MND1: variants seen among roughly 807,000 people sequenced by gnomAD.
MND1 encodes the protein meiotic nuclear division protein 1 homolog.
Under a neutral mutation model 35.1 loss-of-function variants are expected in MND1, and 28 were observed. The observed-to-expected ratio is 0.80, with a 90% CI of 0.59 to 1.09. The LOEUF (loss-of-function observed/expected upper bound fraction) is 1.09. Among genes scored for constraint, MND1 ranks in the 50% least tolerant of loss-of-function variants. The probability of loss-of-function intolerance (pLI) is 0.00; values close to 1 mark genes in which losing one functional copy is unlikely to be tolerated. For synonymous variants in MND1, 69 were observed against 70.5 expected (o/e 0.98, Z 0.11); for missense variants, 213 against 239.6 (o/e 0.89, Z 0.73).
chr4:153,408,910 G>GTATA, intron 6 of MND1, 61 bp from the exon 7 acceptor site: 2 of 308,178 alleles, frequency 6.5e-6, no homozygotes, highest in Non-Finnish European at 9.2e-6. Flanking sequence ...ATCATTTTGT[G>GTATA]TGTATATATA....
At chr4:153,385,891 T>G (rs917632369) in intron 4 of MND1, among the ~76,000 whole-genome samples, 3 of 152,164 alleles carry the variant, frequency 2.0e-5, no homozygotes, top group Non-Finnish European at 4.4e-5. Flanking sequence ...TTGGGCTGTT[T>G]GCCTCGTTGT....
chr4:153,350,635 C>G (rs1363283087), intron 2 of MND1, among the ~76,000 whole-genome samples: 2 of 152,182 alleles, frequency 1.3e-5, no homozygotes, highest in Non-Finnish European at 2.9e-5. Flanking sequence ...CTGCCATCAA[C>G]AGGAAATATG....
At chr4:153,362,772 T>C (rs991267909) in intron 4 of MND1, among the ~76,000 whole-genome samples, 4 of 152,214 alleles carry the variant, frequency 2.6e-5, no homozygotes, top group Non-Finnish European at 4.4e-5. Flanking sequence ...CAATTGGTGA[T>C]GTTTAGTCTG....
intron 1 of MND1, among the ~76,000 whole-genome samples, chr4:153,345,066 C>T (rs1213073250): frequency 6.6e-6 from 1 of 152,180 alleles, no homozygotes; most frequent in African/African-American, 2.4e-5. Context: ...GCGAACGTGA[C>T]CCGAGAACTT....
intron 1 of MND1, chr4:153,345,434 G>T: frequency 1.0e-6 from 1 of 985,480 alleles, no homozygotes; most frequent in Non-Finnish European, 1.2e-6. Context: ...GGTTGTGTAG[G>T]GCGCTGTTGC....
chr4:153,379,870 A>ACT (rs1728622198), intron 4 of MND1, among the ~76,000 whole-genome samples: 1 of 150,460 alleles, frequency 6.6e-6, no homozygotes, highest in Non-Finnish European at 1.5e-5. Context: ...AAAAAAAAAA[A>ACT]AAAAAATCAG....
intron 6 of MND1, among the ~76,000 whole-genome samples, chr4:153,405,884 A>G (rs550689103): frequency 1.2e-4 from 18 of 152,234 alleles, no homozygotes; most frequent in African/African-American, 4.3e-4. Context: ...GGCTCACTGC[A>G]GGCTCTGCCT....
intron 1 of MND1, among the ~76,000 whole-genome samples, chr4:153,347,431 G>A (rs1171698329): frequency 6.6e-6 from 1 of 152,174 alleles, no homozygotes; most frequent in African/African-American, 2.4e-5. Context: ...GGTAGGTGTT[G>A]GGGGGCTTAG....
intron 2 of MND1, among the ~76,000 whole-genome samples, chr4:153,354,165 G>C (rs1773286446): frequency 6.6e-6 from 1 of 151,662 alleles, no homozygotes; most frequent in South Asian, 2.1e-4. Context: ...CTGGCCATAA[G>C]ATTTAAATAT....
chr4:153,402,475 C>A (rs1315098457), intron 6 of MND1, among the ~76,000 whole-genome samples: 2 of 152,170 alleles, frequency 1.3e-5, no homozygotes, highest in African/African-American at 2.4e-5. Flanking sequence ...CTTACAGGAG[C>A]CTACTGAGGA....
At chr4:153,402,397 G>A (rs572013872) in intron 6 of MND1, among the ~76,000 whole-genome samples, 2 of 152,258 alleles carry the variant, frequency 1.3e-5, no homozygotes, top group South Asian at 4.1e-4. Flanking sequence ...CTGAAACTTT[G>A]CCCTTTCAGA....
chr4:153,401,663 A>AT (rs1331419377), intron 6 of MND1, among the ~76,000 whole-genome samples: 2 of 152,170 alleles, frequency 1.3e-5, no homozygotes, highest in Non-Finnish European at 2.9e-5. Context: ...TCACAAATTG[A>AT]TTTTAATAGG....
At chr4:153,363,297 T>C (rs1342759489) in intron 4 of MND1, among the ~76,000 whole-genome samples, 1 of 151,840 alleles carries the variant, frequency 6.6e-6, no homozygotes, top group Non-Finnish European at 1.5e-5. Context: ...CTGCAACCTC[T>C]GTCTCCAGAG....
chr4:153,409,492 T>C (rs1186135197), intron 7 of MND1, among the ~76,000 whole-genome samples: 1 of 152,152 alleles, frequency 6.6e-6, no homozygotes, highest in African/African-American at 2.4e-5. Flanking sequence ...TTATTATCCC[T>C]AATTTAGGAG....
chr4:153,362,851 A>T, intron 4 of MND1: 1 of 235,408 alleles, frequency 4.2e-6, no homozygotes, highest in Non-Finnish European at 6.9e-6. Flanking sequence ...GTACTTTAGT[A>T]GTTATGGACC....
chr4:153,395,317 A>G (rs1729168102), intron 5 of MND1, among the ~76,000 whole-genome samples: 3 of 152,204 alleles, frequency 2.0e-5, no homozygotes, highest in Admixed American at 2.0e-4. Flanking sequence ...TTGTAGAACC[A>G]CCTTCAACTA....
chr4:153,409,343 A>C (rs1729615752), intron 7 of MND1, among the ~76,000 whole-genome samples: 3 of 148,734 alleles, frequency 2.0e-5, no homozygotes, highest in African/African-American at 7.7e-5. Flanking sequence ...TTTTAAGATA[A>C]TGAAATCTTA....
At chr4:153,409,141 C>T in intron 7 of MND1, 126 bp downstream of exon 7, 1 of 359,898 alleles carries the variant, frequency 2.8e-6, no homozygotes. Flanking sequence ...GTATGCATTA[C>T]TCAAATGTTT....
At chr4:153,364,147 T>C (rs1773565453) in intron 4 of MND1, among the ~76,000 whole-genome samples, 1 of 152,136 alleles carries the variant, frequency 6.6e-6, no homozygotes, top group Non-Finnish European at 1.5e-5. Context: ...TCTTGTGCAC[T>C]GTTGATGGGA....
Sources: allele counts gnomAD v4.1 joint callset (sites outside exome capture counted in the v4.1 genomes callset), GRCh38; gene constraint gnomAD v4.1.1; transcripts MANE v1.5; gene names NCBI Gene and HGNC (gene_info 2026-07-23, HGNC 2026-07-21).